Variants in TMEM204 observed in about 807,000 individuals in gnomAD.
TMEM204 encodes transmembrane protein 204.
TMEM204 carries 15 observed loss-of-function variants against 19.4 expected under a neutral mutation model. That is an observed-to-expected ratio of 0.77 (90% confidence interval 0.52 to 1.19). The LOEUF is 1.19. TMEM204 is among the 50% of genes most tolerant of loss of function. The pLI, the probability that TMEM204 is intolerant of heterozygous loss-of-function variation, is 0.00. For missense variants in TMEM204, 287 were observed against 321.2 expected (o/e 0.89, Z 0.81); for synonymous variants, 161 against 146.0 (o/e 1.10, Z -0.74).
upstream of TMEM204, chr16:1,532,467 T>A (rs1277011572): frequency 6.6e-6 from 1 of 152,250 alleles, no homozygotes; most frequent in African/African-American, 2.4e-5. Context: ...GCTTCACCTG[T>A]GGATATACAG....
At position 1,553,395 on chromosome 16, in the gene TMEM204, C is replaced by T. The variant is rs2032837515; in HGVS notation, c.437-1387C>T. 2 of 985,348 alleles carry T rather than the reference C, an allele frequency of 2.0e-6. No homozygotes were observed. Among genetic ancestry groups the T allele is most frequent in the Non-Finnish European group, 1.2e-6 (1 of 829,932 alleles). The allele number at this position is 985,348 out of a possible 1,614,324, so 61.0% of individuals were successfully genotyped here. ...CACAGGGCAGGGCATGATTTGGTTT[C>T]CTGGGGAATGCAGGGGAGGCGGTTG... is the stretch of plus-strand genomic sequence containing the variant. On this transcript the variant is annotated intron_variant, in intron 2 of 2. Coordinates refer to ENST00000566264, the MANE Select transcript of TMEM204 (RefSeq NM_024600.6). This position sits in a 1 kb window ranked among gnomAD's most constrained non-coding sequence, Gnocchi z 4.4.
chr16:1,535,657 C>T (rs1374738610), intron 1 of TMEM204, among the ~76,000 whole-genome samples: 1 of 152,184 alleles, frequency 6.6e-6, no homozygotes, highest in Non-Finnish European at 1.5e-5. Flanking sequence ...GAATGTCATC[C>T]CCACTTCACA....
intron 2 of TMEM204, among the ~76,000 whole-genome samples, chr16:1,547,598 G>A (rs1849302301): frequency 1.3e-5 from 2 of 152,148 alleles, no homozygotes; most frequent in African/African-American, 4.8e-5. Context: ...GTGCAGTGGT[G>A]CAATCTGGGT....
chr16:1,554,663 G>A, intron 2 of TMEM204, 119 bp from the exon 3 acceptor site: 1 of 1,430,546 alleles, frequency 7.0e-7, no homozygotes, highest in South Asian at 1.3e-5. Flanking sequence ...CCCGCTCTAG[G>A]ACAGAGGGCT....
At chr16:1,539,675 G>C (rs928214393) in intron 1 of TMEM204, among the ~76,000 whole-genome samples, 2 of 152,272 alleles carry the variant, frequency 1.3e-5, no homozygotes, top group Non-Finnish European at 2.9e-5. Context: ...TTACGTGGCA[G>C]TGACGCTCAC....
chr16:1,554,064 G>C, intron 2 of TMEM204: 1 of 1,287,166 alleles, frequency 7.8e-7, no homozygotes, highest in African/African-American at 1.5e-5. Flanking sequence ...GGAAAGCATG[G>C]AAGGAAAATC....
chr16:1,550,684 C>T (rs1439354319), intron 2 of TMEM204, among the ~76,000 whole-genome samples: 3 of 152,214 alleles, frequency 2.0e-5, no homozygotes, highest in Non-Finnish European at 4.4e-5. Flanking sequence ...AGCCTTCCCA[C>T]TTTTAATTTA....
At chr16:1,544,774 G>A (rs535825468) in intron 2 of TMEM204, among the ~76,000 whole-genome samples, 2 of 151,180 alleles carry the variant, frequency 1.3e-5, no homozygotes. Context: ...TCAGCCTCCC[G>A]AGTAGCTGGG....
chr16:1,554,237 G>A (rs987447522), intron 2 of TMEM204: 24 of 713,568 alleles, frequency 3.4e-5, no homozygotes, highest in Non-Finnish European at 4.8e-5. Flanking sequence ...AAGGCCAAGA[G>A]CAAGAAAACT....
At chr16:1,532,376 G>A (rs2030597241), upstream of TMEM204, 1 of 152,380 alleles carries the variant, frequency 6.6e-6, no homozygotes, top group African/African-American at 2.4e-5. Flanking sequence ...ACGCTTCTCA[G>A]GACCCAGCAC....
At chr16:1,531,581 G>A (rs538380378), upstream of TMEM204, 1 of 152,356 alleles carries the variant, frequency 6.6e-6, no homozygotes, top group East Asian at 1.9e-4. This position sits in a 1 kb window ranked among gnomAD's most constrained non-coding sequence, Gnocchi z 4.7. Context: ...GCCCAGCTGC[G>A]AGTCCCCTTA....
chr16:1,540,826 C>T, intron 1 of TMEM204: 3 of 985,354 alleles, frequency 3.0e-6, no homozygotes, highest in Non-Finnish European at 3.6e-6. Flanking sequence ...AAATATTGTT[C>T]AATAGAAAAC....
chr16:1,550,600 A>T (rs1386841007), intron 2 of TMEM204, among the ~76,000 whole-genome samples: 1 of 152,044 alleles, frequency 6.6e-6, no homozygotes, highest in Non-Finnish European at 1.5e-5. Flanking sequence ...CTGCTAGGGC[A>T]CCCGGCAGGC....
At chr16:1,535,230 A>T (rs1224011239) in intron 1 of TMEM204, among the ~76,000 whole-genome samples, 2 of 152,144 alleles carry the variant, frequency 1.3e-5, no homozygotes, top group African/African-American at 4.8e-5. Context: ...GGAGGCCAGG[A>T]CGCTCGGAAG....
Position 1,534,134 on chromosome 16 carries a change from C to A in TMEM204, c.-142C>A, listed in dbSNP as rs2030802237. On this transcript the variant is annotated 5_prime_UTR_variant, in exon 1 of 3. Transcript: ENST00000566264. ...CCGAGAGGCGGCACACCTGGACCAT[C>A]CCATGGGCCTCCGCCCGCGCCGCCC... 4 of 1,064,964 alleles carry A rather than the reference C, an allele frequency of 3.8e-6. No individual in the cohort carries two copies. The highest frequency in any genetic ancestry group is 3.0e-4 in the Middle Eastern group (1 of 3,344). 66.0% of individuals were successfully genotyped at this position (1,064,964 alleles called of 1,614,324 possible).
intron 2 of TMEM204, among the ~76,000 whole-genome samples, chr16:1,547,308 G>C (rs2032256985): frequency 6.6e-6 from 1 of 152,160 alleles, no homozygotes; most frequent in African/African-American, 2.4e-5. Context: ...AAGCTGACTT[G>C]TAGAAGTCCG....
chr16:1,535,316 G>A (rs1285765357), intron 1 of TMEM204, among the ~76,000 whole-genome samples: 1 of 152,158 alleles, frequency 6.6e-6, no homozygotes, highest in Non-Finnish European at 1.5e-5. Flanking sequence ...GGGTTTGAGT[G>A]GCAGGTGTGA....
rs1373809025 is a variant in TMEM204 at position 1,553,409 on chromosome 16, G to C, written c.437-1373G>C. The C allele has an allele frequency of 5.0e-5, 49 of 985,310 alleles. No individual in the cohort carries two copies. The highest frequency in any genetic ancestry group is 5.9e-5 in the Non-Finnish European group (49 of 829,948). The allele number at this position is 985,310 out of a possible 1,614,324, so 61.0% of individuals were successfully genotyped here. A position where few individuals can be genotyped will look rare whatever the true frequency, so the allele number is the denominator to read the frequency against. On this transcript the variant is annotated intron_variant, in intron 2 of 2. Transcript: ENST00000566264. The surrounding 1 kb of genome is among the most constrained non-coding windows in gnomAD (Gnocchi z 4.4). The stretch of plus-strand genomic sequence containing the variant: ...TGATTTGGTTTCCTGGGGAATGCAG[G>C]GGAGGCGGTTGGGAGTGGAGAGACC...
At chr16:1,537,655 A>AGGGGGTC (rs1050605315) in intron 1 of TMEM204, among the ~76,000 whole-genome samples, 14 of 152,270 alleles carry the variant, frequency 9.2e-5, no homozygotes, top group South Asian at 2.1e-4. Flanking sequence ...CCATGTCCAG[A>AGGGGGTC]GGGGGTCTCA....
Sources: allele counts gnomAD v4.1 joint callset (sites outside exome capture counted in the v4.1 genomes callset), GRCh38; gene constraint gnomAD v4.1.1; non-coding constraint Gnocchi (gnomAD v3.1); transcripts MANE v1.5; gene names NCBI Gene and HGNC (gene_info 2026-07-23, HGNC 2026-07-21).